CADM3: variants seen among roughly 807,000 people sequenced by gnomAD.
CADM3 encodes the protein cell adhesion molecule 3.
A neutral mutation model predicts 44.9 loss-of-function variants in CADM3; 11 were observed. The observed-to-expected ratio is 0.25, with a 90% CI of 0.15 to 0.41. The LOEUF (loss-of-function observed/expected upper bound fraction) is 0.41. Among genes scored for constraint, CADM3 ranks in the 10% least tolerant of loss-of-function variants. The probability of loss-of-function intolerance (pLI) is 1.00; values close to 1 mark genes in which losing one functional copy is unlikely to be tolerated. For missense variants in CADM3, 426 were observed against 512.0 expected, an observed-to-expected ratio of 0.83 and a Z score of 1.62; for synonymous variants, 207 against 205.2, an observed-to-expected ratio of 1.01 and a Z score of -0.08.
intron 1 of CADM3, among the ~76,000 whole-genome samples, chr1:159,188,857 GT>G (rs1333405292): frequency 6.6e-6 from 1 of 152,134 alleles, no homozygotes; most frequent in Non-Finnish European, 1.5e-5. Flanking sequence ...GCAGGGGGAT[GT>G]AGGAAGTAAG....
In CADM3 at chr1:159,203,009, C is replaced by CTG. The variant is rs1258348339; in HGVS notation, c.*2095_*2096dup. 1 of 72,548 alleles carries CTG rather than the reference C, an allele frequency of 1.4e-5. No homozygotes were observed. Among genetic ancestry groups the CTG allele is most frequent in the East Asian group, 4.3e-4 (1 of 2,330 alleles). The allele number at this position is 72,548 out of a possible 1,614,324, so 4.5% of individuals were successfully genotyped here. ...GGTGGGAGGGAGAGGGGCTGTTGTG[C>CTG]TGTGTGTGTCTGTCCAGGGGTGGGG... On this transcript the variant is annotated 3_prime_UTR_variant, in exon 9 of 9. Transcript: ENST00000368125.
chr1:159,200,982 C>G lies in CADM3; in HGVS notation c.*60C>G, dbSNP rs945723968. On this transcript the variant is annotated 3_prime_UTR_variant, in exon 9 of 9. Transcript: ENST00000368125. ...CCTGTGGGGACTGCTGGGGCCGTCA[C>G]CAACCCGGACTTGTACAGAGCAACC... 27 of 1,306,388 alleles carry G rather than the reference C, an allele frequency of 2.1e-5. No individual in the cohort carries two copies. The highest frequency in any genetic ancestry group is 2.6e-5 in the Non-Finnish European group (25 of 945,308). 80.9% of individuals were successfully genotyped at this position (1,306,388 alleles called of 1,614,324 possible).
At chr1:159,196,857 C>G in intron 6 of CADM3, 34 bp from the exon 7 acceptor site, 1 of 1,607,052 alleles carries the variant, frequency 6.2e-7, no homozygotes, top group Non-Finnish European at 8.5e-7. Context: ...GGCCTATGCT[C>G]TCCTGAGCTC....
At chr1:159,183,181 T>C (rs1356345384) in intron 1 of CADM3, among the ~76,000 whole-genome samples, 1 of 152,216 alleles carries the variant, frequency 6.6e-6, no homozygotes, top group Non-Finnish European at 1.5e-5. Context: ...TCTTAGATAA[T>C]CTAATAGTGT....
chr1:159,191,831 C>T, intron 1 of CADM3, 105 bp from the exon 2 acceptor site: 3 of 1,379,080 alleles, frequency 2.2e-6, no homozygotes, highest in Admixed American at 1.8e-5. Context: ...ACCTTGTGTA[C>T]ACAAGGGCCT....
intron 1 of CADM3, among the ~76,000 whole-genome samples, chr1:159,181,212 T>C (rs1388430502): frequency 2.0e-5 from 3 of 152,176 alleles, no homozygotes; most frequent in South Asian, 2.1e-4. Context: ...TTATTACATA[T>C]GTGTGAAAAC....
chr1:159,200,486 G>A (rs1011548560), intron 8 of CADM3, among the ~76,000 whole-genome samples: 3 of 151,032 alleles, frequency 2.0e-5, no homozygotes, highest in Admixed American at 6.6e-5. Flanking sequence ...GCGTGCACAC[G>A]CATGCATACA....
intron 1 of CADM3, among the ~76,000 whole-genome samples, chr1:159,174,716 T>A: frequency 6.6e-6 from 1 of 152,196 alleles, no homozygotes; most frequent in East Asian, 1.9e-4. Flanking sequence ...ACATTTAGAA[T>A]GTCCCATCTG....
At chr1:159,172,682 G>C (rs1249714434) in intron 1 of CADM3, among the ~76,000 whole-genome samples, 12 of 152,098 alleles carry the variant, frequency 7.9e-5, no homozygotes, top group Admixed American at 6.6e-4. Flanking sequence ...GGATGGGGTA[G>C]CATACCTAGC....
At chr1:159,193,079 A>G (rs960997561) in intron 3 of CADM3, among the ~76,000 whole-genome samples, 1 of 152,146 alleles carries the variant, frequency 6.6e-6, no homozygotes, top group Non-Finnish European at 1.5e-5. Flanking sequence ...AGTTGCTTAC[A>G]TGCTCTCATC....
intron 4 of CADM3, 56 bp downstream of exon 4, chr1:159,193,616 A>G: frequency 6.2e-7 from 1 of 1,610,892 alleles, no homozygotes; most frequent in Non-Finnish European, 8.5e-7. Flanking sequence ...AAGAGAGAGA[A>G]GTGCCTGTCT....
At position 159,196,162 on chromosome 1, in the gene CADM3, A is replaced by G. The variant is rs903274258; in HGVS notation, c.692-202A>G. On this transcript the variant is annotated intron_variant, in intron 5 of 8. Coordinates refer to ENST00000368125, the MANE Select transcript of CADM3 (RefSeq NM_001127173.3). ...AGGACAGACCTTCCAGAATCCTATCACACAAGGTTGCAAGAGAAGTTGCTC... is the reference window on the plus strand; with the variant it reads ...AGGACAGACCTTCCAGAATCCTATCGCACAAGGTTGCAAGAGAAGTTGCTC... 5.4e-6 allele frequency: 3 copies of G among 551,994 alleles called. No homozygotes were observed. The African/African-American group carries it at 5.7e-5, about 10-fold the overall frequency. 34.2% of individuals were successfully genotyped at this position (551,994 alleles called of 1,614,324 possible). A position where few individuals can be genotyped will look rare whatever the true frequency, so the allele number is the denominator to read the frequency against.
rs537033460 is a variant in CADM3 at position 159,197,227 on chromosome 1, T to C, written c.952+167T>C. ...GAGGGCTTAGGTCCCAGGTCCACTC[T>C]AGAATGTGTAATGGCCGCTTAGTGA... On this transcript the variant is annotated intron_variant, in intron 7 of 8. Coordinates refer to ENST00000368125, the MANE Select transcript of CADM3 (RefSeq NM_001127173.3). 85 of 623,868 alleles carry C rather than the reference T, an allele frequency of 1.4e-4. No individual in the cohort carries two copies. In the South Asian group the frequency reaches 1.6e-3, roughly 12 times the overall value. The allele number at this position is 623,868 out of a possible 1,614,324, so 38.6% of individuals were successfully genotyped here.
intron 4 of CADM3, 149 bp downstream of exon 4, chr1:159,193,709 G>C (rs1571021099): frequency 7.1e-7 from 1 of 1,403,958 alleles, no homozygotes; most frequent in Non-Finnish European, 9.9e-7. Context: ...CTATGTGTGT[G>C]TTGGGGCCTA....
chr1:159,196,358 C>T lies in CADM3; in HGVS notation c.692-6C>T. On this transcript the variant is annotated splice_region_variant and splice_polypyrimidine_tract_variant and intron_variant, in intron 5 of 8. Transcript: ENST00000368125. The stretch of plus-strand genomic sequence containing the variant: ...GTATTCATTGATACCATTTCCTTCT[C>T]CACAGACACACCAACTGCGATGATT... 2 of 1,613,494 alleles carry T rather than the reference C, an allele frequency of 1.2e-6. No homozygotes were observed. Among genetic ancestry groups the T allele is most frequent in the Non-Finnish European group, 1.7e-6 (2 of 1,179,450 alleles).
chr1:159,194,116 G>A, intron 5 of CADM3, 76 bp downstream of exon 5: 1 of 1,461,588 alleles, frequency 6.8e-7, no homozygotes, highest in South Asian at 1.3e-5. Flanking sequence ...GCAGGTGACT[G>A]TGCATGAAAC....
chr1:159,192,522 G>A, intron 2 of CADM3, 56 bp from the exon 3 acceptor site: 1 of 1,611,016 alleles, frequency 6.2e-7, no homozygotes, highest in Non-Finnish European at 8.5e-7. Flanking sequence ...GGATTGGAAG[G>A]TAAACATGAA....
At chr1:159,173,524 G>A (rs1648903295) in intron 1 of CADM3, among the ~76,000 whole-genome samples, 1 of 152,066 alleles carries the variant, frequency 6.6e-6, no homozygotes, top group Admixed American at 6.5e-5. Context: ...CCCCTACGTG[G>A]AATCCCCTTC....
At chr1:159,182,562 T>C (rs573555687) in intron 1 of CADM3, among the ~76,000 whole-genome samples, 1 of 151,464 alleles carries the variant, frequency 6.6e-6, no homozygotes, top group Non-Finnish European at 1.5e-5. Flanking sequence ...ATACTTAATA[T>C]CTTGTCAACT....
Sources: allele counts gnomAD v4.1 joint callset (sites outside exome capture counted in the v4.1 genomes callset), GRCh38; gene constraint gnomAD v4.1.1; transcripts MANE v1.5; gene names NCBI Gene and HGNC (gene_info 2026-07-23, HGNC 2026-07-21).